Variants in EYS observed in about 807,000 individuals in gnomAD.
EYS encodes protein eyes shut homolog.
Under a neutral mutation model 282.1 loss-of-function variants are expected in EYS, and 250 were observed. That is an observed-to-expected ratio of 0.89 (90% CI 0.80 to 0.98). The LOEUF (loss-of-function observed/expected upper bound fraction) is 0.98, where lower values mean the gene tolerates loss of function less well. Among genes scored for constraint, EYS ranks in the 50% least tolerant of loss-of-function variants. The probability of loss-of-function intolerance (pLI) is 0.00; values close to 1 mark genes in which losing one functional copy is unlikely to be tolerated. For missense variants in EYS, 4,016 were observed against 3,709.0 expected, an observed-to-expected ratio of 1.08 and a Z score of -2.15; for synonymous variants, 1,355 against 1,282.9, an observed-to-expected ratio of 1.06 and a Z score of -1.20.
At chr6:64,795,248 AAG>A (rs1458138039) in intron 22 of EYS, among the ~76,000 whole-genome samples, 3 of 151,922 alleles carry the variant, frequency 2.0e-5, no homozygotes, top group African/African-American at 7.2e-5. Context: ...AAAAAAAAAA[AAG>A]AAGTAGACAT....
intron 33 of EYS, among the ~76,000 whole-genome samples, chr6:64,050,678 C>T (rs149643994): frequency 1.3e-5 from 2 of 152,288 alleles, no homozygotes; most frequent in Middle Eastern, 3.4e-3. Flanking sequence ...ACTTCCATTC[C>T]TTCAGCATGC....
chr6:65,064,429 TA>T (rs960590793), intron 12 of EYS, among the ~76,000 whole-genome samples: 1 of 145,774 alleles, frequency 6.9e-6, no homozygotes, highest in Non-Finnish European at 1.5e-5. Flanking sequence ...CCATATACCA[TA>T]TATCATATAT....
intron 5 of EYS, among the ~76,000 whole-genome samples, chr6:65,434,061 A>G (rs1767975136): frequency 6.6e-6 from 1 of 152,120 alleles, no homozygotes. Context: ...ACCATTTTTT[A>G]TTTTCCCTGA....
intron 39 of EYS, among the ~76,000 whole-genome samples, chr6:63,779,714 C>CT (rs201570043): frequency 0.012 from 1,775 of 146,836 alleles, 30 homozygotes; most frequent in African/African-American, 0.043. Context: ...ATTTTCAAAA[C>CT]TTTTTTTTGG....
chr6:65,374,250 G>C (rs948250435), intron 8 of EYS, among the ~76,000 whole-genome samples: 2 of 152,222 alleles, frequency 1.3e-5, no homozygotes, highest in Non-Finnish European at 1.5e-5. Context: ...AGCAGAAGCA[G>C]GGTGGGGCAT....
At chr6:65,169,889 T>G (rs2150226704) in intron 12 of EYS, among the ~76,000 whole-genome samples, 1 of 151,616 alleles carries the variant, frequency 6.6e-6, no homozygotes, top group East Asian at 2.0e-4. Context: ...TGAGAAGAGA[T>G]TCAATGAAAC....
chr6:65,166,985 A>G (rs1250107670), intron 12 of EYS, among the ~76,000 whole-genome samples: 1 of 151,244 alleles, frequency 6.6e-6, no homozygotes, highest in Admixed American at 6.6e-5. Flanking sequence ...AAACAAAACC[A>G]TAACGAAATA....
At chr6:65,455,647 A>G (rs552511081) in intron 5 of EYS, among the ~76,000 whole-genome samples, 1 of 152,274 alleles carries the variant, frequency 6.6e-6, no homozygotes, top group South Asian at 2.1e-4. Flanking sequence ...ATTAGATAAC[A>G]TAGAAAAAAT....
At chr6:64,009,751 A>G (rs1768519098) in intron 33 of EYS, among the ~76,000 whole-genome samples, 1 of 152,162 alleles carries the variant, frequency 6.6e-6, no homozygotes, top group Admixed American at 6.5e-5. Context: ...AGGCCTGATT[A>G]AGTACCATTG....
chr6:64,579,941 CATT>C (rs1299268804), intron 26 of EYS, among the ~76,000 whole-genome samples: 1 of 152,092 alleles, frequency 6.6e-6, no homozygotes, highest in Admixed American at 6.6e-5. Context: ...TCTTAGCCAT[CATT>C]AAGTTGATAA....
At position 64,591,160 on chromosome 6, in the gene EYS, T is replaced by A; in HGVS notation, c.4707A>T (p.Glu1569Asp). Residue 1569 changes from glutamate to aspartate, a missense_variant, in exon 26 of 43, where the codon GAA (glutamate) becomes GAT (aspartate). By Grantham distance (45) the Glu-to-Asp change is conservative. Transcript: ENST00000503581. ...CSMTEIKSSR[E>D]FSDQVLHSKQ... ...TGCTATGCAAAACTTGATCTGAGAA[T>A]TCACGAGAGGATTTTATTTCAGTCA... 6.4e-7 allele frequency: 1 copy of A among 1,551,364 alleles called. No individual in the cohort carries two copies. The highest frequency in any genetic ancestry group is 8.7e-7 in the Non-Finnish European group (1 of 1,146,778).
chr6:64,904,779 C>T (rs1767772105), intron 16 of EYS, among the ~76,000 whole-genome samples: 1 of 152,056 alleles, frequency 6.6e-6, no homozygotes, highest in Non-Finnish European at 1.5e-5. Flanking sequence ...ACTCAGGGCC[C>T]AGGACCTTGG....
chr6:65,371,735 CTCTCTCTGTGTG>C (rs1293427392), intron 8 of EYS, among the ~76,000 whole-genome samples: 24 of 47,938 alleles, frequency 5.0e-4, no homozygotes, highest in South Asian at 7.8e-4. Flanking sequence ...CTCTCTCTCT[CTCTCTCTGTGTG>C]TGTGTGTGTG....
At chr6:65,443,157 CAT>C (rs1041561268) in intron 5 of EYS, among the ~76,000 whole-genome samples, 4 of 145,712 alleles carry the variant, frequency 2.7e-5, no homozygotes, top group African/African-American at 7.3e-5. Flanking sequence ...ACATCATACA[CAT>C]ATATGAGCAC....
chr6:64,316,575 A>G (rs1769974089), intron 29 of EYS, among the ~76,000 whole-genome samples: 1 of 152,158 alleles, frequency 6.6e-6, no homozygotes, highest in African/African-American at 2.4e-5. Context: ...GACACAAACA[A>G]ATGGAAAAAC....
chr6:64,800,567 CT>C (rs34778588), intron 22 of EYS, among the ~76,000 whole-genome samples: 81,028 of 145,350 alleles, frequency 0.56, 22,211 homozygotes, highest in Admixed American at 0.65. Flanking sequence ...CCAAAGGAAG[CT>C]TTTTTTTTTT....
At chr6:65,548,833 C>A (rs1768491689) in intron 2 of EYS, among the ~76,000 whole-genome samples, 1 of 152,206 alleles carries the variant, frequency 6.6e-6, no homozygotes, top group Non-Finnish European at 1.5e-5. Context: ...CAAAGACTAA[C>A]TCAGTTTTAT....
At chr6:64,623,207 T>A (rs1767503198) in intron 23 of EYS, among the ~76,000 whole-genome samples, 1 of 152,164 alleles carries the variant, frequency 6.6e-6, no homozygotes, top group Admixed American at 6.5e-5. Context: ...TGTAATACAT[T>A]ACTATTAACT....
At chr6:64,194,125 C>A (rs1765206288) in intron 31 of EYS, among the ~76,000 whole-genome samples, 1 of 152,084 alleles carries the variant, frequency 6.6e-6, no homozygotes, top group Non-Finnish European at 1.5e-5. Context: ...GCCGCCTCAG[C>A]CTCCCAAAGT....
Sources: gnomAD v4.1 joint callset for allele counts (sites outside exome capture counted in the v4.1 genomes callset) on GRCh38, gnomAD v4.1.1 for gene constraint, MANE v1.5 for transcripts, NCBI Gene and HGNC (gene_info 2026-07-23, HGNC 2026-07-21) for gene names.